Variants in FBN2 observed in about 807,000 individuals in gnomAD.
FBN2 encodes fibrillin-2.
FBN2 carries 105 observed loss-of-function variants against 355.6 expected under a neutral mutation model. That is an observed-to-expected ratio of 0.30 (90% CI 0.25 to 0.35). The LOEUF (loss-of-function observed/expected upper bound fraction) is 0.35, where lower values mean the gene tolerates loss of function less well. Among genes scored for constraint, FBN2 ranks in the 10% least tolerant of loss-of-function variants. The probability of loss-of-function intolerance (pLI) is 1.00; values close to 1 mark genes in which losing one functional copy is unlikely to be tolerated. For missense variants in FBN2, 3,280 were observed against 3,758.7 expected (o/e 0.87, Z 3.33); for synonymous variants, 1,350 against 1,301.2 (o/e 1.04, Z -0.81).
intron 2 of FBN2, among the ~76,000 whole-genome samples, chr5:128,534,848 C>T (rs899552057): frequency 2.6e-5 from 4 of 151,970 alleles, no homozygotes; most frequent in African/African-American, 9.7e-5. Context: ...CCCTCCTCCT[C>T]GGCTGCTCTC....
chr5:128,387,725 ATTT>A (rs1752405949), intron 11 of FBN2, among the ~76,000 whole-genome samples: 1 of 151,898 alleles, frequency 6.6e-6, no homozygotes, highest in Admixed American at 6.6e-5. Flanking sequence ...GTATAATTTC[ATTT>A]TTCTTGAATA....
intron 8 of FBN2, among the ~76,000 whole-genome samples, chr5:128,405,934 A>G (rs1301143200): frequency 6.6e-6 from 1 of 152,206 alleles, no homozygotes; most frequent in African/African-American, 2.4e-5. Flanking sequence ...TACAGCACCC[A>G]GACAACAGTG....
rs780623667 is a variant in FBN2 at position 128,272,060 on chromosome 5, A to T, written c.7899T>A (p.Gly2633=). Residue 2633 remains glycine, a synonymous_variant, in exon 62 of 65, where the codon GGT becomes GGA. Coordinates refer to ENST00000262464, the MANE Select transcript of FBN2 (RefSeq NM_001999.4). The stretch of plus-strand genomic sequence containing the variant: ...CTTGGGGGCAGCCACATCTGTAGCC[A>T]CCCAGGATGTTCTGGCAGCCGTGTT... ...RCQHGCQNIL[G]GYRCGCPQGY... is the part of the protein sequence containing the mutation. 6.2e-7 allele frequency: 1 copy of T among 1,613,914 alleles called. No individual in the cohort carries two copies. Among genetic ancestry groups the T allele is most frequent in the Admixed American group, 1.7e-5 (1 of 60,012 alleles).
intron 24 of FBN2, 52 bp downstream of exon 24, chr5:128,345,305 G>A (rs1751144220): frequency 7.2e-7 from 1 of 1,394,448 alleles, no homozygotes; most frequent in Non-Finnish European, 1.0e-6. Context: ...AGAGAATGTG[G>A]AAGGCTTCCT....
In FBN2 at chr5:128,357,329, T is replaced by G; in HGVS notation, c.2621A>C (p.Asn874Thr). 6.2e-7 allele frequency: 1 copy of G among 1,614,010 alleles called. No individual in the cohort carries two copies. The highest frequency in any genetic ancestry group is 8.5e-7 in the Non-Finnish European group (1 of 1,179,874). The change falls in exon 20 of 65, where the codon AAT (asparagine) becomes ACT (threonine). Residue 874 changes from asparagine to threonine, a missense_variant. Around this residue, in one of 6 missense-constraint regions of FBN2, gnomAD observed 2,284 missense variants for 2,749.5 expected, o/e 0.83. Transcript: ENST00000262464. ...TTTGCTGCCGGGCGAACATTCACAA[T>G]TGAAAGATCCAAGGTTGTTTCTGCA... The part of the protein sequence containing the change: ...GACRNNLGSF[N>T]CECSPGSKLS...
chr5:128,271,853 G>A (rs569519795), intron 62 of FBN2, 146 bp downstream of exon 62: 2 of 909,520 alleles, frequency 2.2e-6, no homozygotes, highest in South Asian at 1.4e-5. Flanking sequence ...AGCAGAATGA[G>A]TCCCCATGCA....
At chr5:128,439,474 T>G (rs1753860660) in intron 7 of FBN2, among the ~76,000 whole-genome samples, 1 of 152,154 alleles carries the variant, frequency 6.6e-6, no homozygotes, top group African/African-American at 2.4e-5. Flanking sequence ...TTACACTCTC[T>G]TATTCTAAAT....
chr5:128,421,851 T>C (rs1753357243), intron 7 of FBN2, among the ~76,000 whole-genome samples: 1 of 152,212 alleles, frequency 6.6e-6, no homozygotes, highest in Non-Finnish European at 1.5e-5. Flanking sequence ...CCTATCAGTA[T>C]GTGAGCTTGC....
chr5:128,301,019 C>G, intron 47 of FBN2, 83 bp from the exon 48 acceptor site: 1 of 1,352,814 alleles, frequency 7.4e-7, no homozygotes, highest in Admixed American at 1.8e-5. Context: ...ATGATATTAA[C>G]ATGAATTCAA....
At chr5:128,264,624 T>G (rs1404953523) in intron 62 of FBN2, among the ~76,000 whole-genome samples, 1 of 152,252 alleles carries the variant, frequency 6.6e-6, no homozygotes, top group Non-Finnish European at 1.5e-5. Flanking sequence ...GGGCTTTTTT[T>G]ATAATCCAAA....
Position 128,288,518 on chromosome 5 carries a change from C to A in FBN2, c.6677G>T (p.Gly2226Val). ...ECSIGNPCGN[G>V]TCTNVIGSFE... ...ACTCCCAATAACATTGGTGCATGTA[C>A]CATTTCCACACGGATTGCCGATTGA... The change falls in exon 53 of 65, where the codon GGT becomes GTT. Residue 2226 changes from glycine (G) to valine (V), a missense_variant. Gly to Val is a moderately radical substitution (Grantham distance 109). Around this residue, in one of 6 missense-constraint regions of FBN2, gnomAD observed 2,284 missense variants for 2,749.5 expected, o/e 0.83. Coordinates refer to ENST00000262464, the MANE Select transcript of FBN2 (RefSeq NM_001999.4). 6.2e-7 allele frequency: 1 copy of A among 1,613,806 alleles called. No individual in the cohort carries two copies. Among genetic ancestry groups the A allele is most frequent in the South Asian group, 1.1e-5 (1 of 91,080 alleles).
At chr5:128,489,160 T>C (rs1299794147) in intron 5 of FBN2, among the ~76,000 whole-genome samples, 1 of 152,114 alleles carries the variant, frequency 6.6e-6, no homozygotes, top group Non-Finnish European at 1.5e-5. Context: ...CTCCAGCACC[T>C]GTTGTTTCCT....
intron 21 of FBN2, 135 bp downstream of exon 21, chr5:128,350,733 C>T: frequency 1.0e-6 from 1 of 1,001,154 alleles, no homozygotes; most frequent in Non-Finnish European, 1.5e-6. Flanking sequence ...AAACATTAGC[C>T]AGGAAAGATA....
At chr5:128,438,206 G>A (rs926017410) in intron 7 of FBN2, among the ~76,000 whole-genome samples, 1 of 152,204 alleles carries the variant, frequency 6.6e-6, no homozygotes. Context: ...TGGCCAGGCT[G>A]GTCTCAAACT....
At position 128,337,999 on chromosome 5, in the gene FBN2, A is replaced by G. The variant is rs759706635; in HGVS notation, c.3596T>C (p.Val1199Ala). 1 of 1,614,106 alleles carries G rather than the reference A, an allele frequency of 6.2e-7. No homozygotes were observed. Among genetic ancestry groups the G allele is most frequent in the South Asian group, 1.1e-5 (1 of 91,080 alleles). The change falls in exon 27 of 65, where the codon GTG becomes GCG. Residue 1199 changes from valine (V) to alanine (A), a missense_variant and splice_region_variant. Around this residue, in one of 6 missense-constraint regions of FBN2, gnomAD observed 2,284 missense variants for 2,749.5 expected, o/e 0.83. Coordinates refer to ENST00000262464, the MANE Select transcript of FBN2 (RefSeq NM_001999.4). ...ATGTGCTGAGGAGATAAACTCACCC[A>G]CACAGTCCTCACGGGATGGTGACAG... The part of the protein sequence containing the change: ...HELSPSREDC[V>A]DINECSLSDN...
chr5:128,335,381 G>C (rs1392449892), intron 29 of FBN2, 74 bp downstream of exon 29: 2 of 1,609,370 alleles, frequency 1.2e-6, no homozygotes, highest in East Asian at 4.5e-5. Flanking sequence ...GGTTCCACTT[G>C]GTAATATCTG....
intron 22 of FBN2, 87 bp from the exon 23 acceptor site, chr5:128,349,559 A>G: frequency 7.0e-7 from 1 of 1,426,002 alleles, no homozygotes; most frequent in Non-Finnish European, 9.7e-7. Context: ...AGCATTTTCA[A>G]TCCACATTCA....
At chr5:128,368,220 T>G (rs1751824344) in intron 16 of FBN2, among the ~76,000 whole-genome samples, 1 of 151,988 alleles carries the variant, frequency 6.6e-6, no homozygotes, top group South Asian at 2.1e-4. Flanking sequence ...AAAACACAGA[T>G]TGTGTTTATG....
At chr5:128,350,052 C>A (rs762640242) in intron 21 of FBN2, 47 bp from the exon 22 acceptor site, 3 of 1,438,336 alleles carry the variant, frequency 2.1e-6, no homozygotes, top group Middle Eastern at 1.7e-4. Flanking sequence ...GAATAAAATA[C>A]AACCATGGTA....
Sources: gnomAD v4.1 joint callset for allele counts (sites outside exome capture counted in the v4.1 genomes callset) on GRCh38, gnomAD v4.1.1 for gene constraint, gnomAD v4.1.1 regional missense constraint, MANE v1.5 for transcripts, NCBI Gene and HGNC (gene_info 2026-07-23, HGNC 2026-07-21) for gene names.